The following EYA4 variants were observed in gnomAD, a reference collection of about 807,000 sequenced individuals.
The protein encoded by EYA4 is EYA transcriptional coactivator and phosphatase 4.
Under a neutral mutation model 87.9 loss-of-function variants are expected in EYA4, and 31 were observed. That is an observed-to-expected ratio of 0.35 (90% CI 0.27 to 0.48). EYA4 has a LOEUF of 0.48. Ranked by LOEUF, EYA4 falls within the 20% of genes least tolerant of loss-of-function variation. The pLI is 0.99. For missense variants in EYA4, 678 were observed against 761.4 expected, an observed-to-expected ratio of 0.89 and a Z score of 1.29; for synonymous variants, 263 against 270.6, an observed-to-expected ratio of 0.97 and a Z score of 0.28.
chr6:133,366,240 A>G (rs990821709), intron 2 of EYA4, among the ~76,000 whole-genome samples: 3 of 152,238 alleles, frequency 2.0e-5, no homozygotes, highest in Non-Finnish European at 2.9e-5. Flanking sequence ...GGCTTTACCT[A>G]AATGAAACAT....
chr6:133,399,053 C>T (rs1485876153), intron 3 of EYA4, among the ~76,000 whole-genome samples: 1 of 152,148 alleles, frequency 6.6e-6, no homozygotes, highest in Admixed American at 6.6e-5. Context: ...CTTTTCCTCT[C>T]TTATTTTGAC....
At chr6:133,384,737 A>G (rs1786548373) in intron 3 of EYA4, among the ~76,000 whole-genome samples, 1 of 152,106 alleles carries the variant, frequency 6.6e-6, no homozygotes, top group South Asian at 2.1e-4. Flanking sequence ...ATTCCCCAAT[A>G]TTAGGCCTGA....
At chr6:133,521,971 G>T (rs1304495962) in intron 17 of EYA4, among the ~76,000 whole-genome samples, 1 of 106,756 alleles carries the variant, frequency 9.4e-6, no homozygotes, top group East Asian at 3.3e-4. Context: ...GTTGTGGGGT[G>T]GGGGGAGGGG....
Position 133,243,089 on chromosome 6 carries a change from C to CGTGTGTGTGTGTGTGTGTGT in EYA4, c.-66+1351_-66+1370dup, listed in dbSNP as rs3065226. Among the ~76,000 whole-genome samples the CGTGTGTGTGTGTGTGTGTGT allele has an allele frequency of 2.0e-3, 284 of 145,460 alleles. 2 individuals carry two copies. Among genetic ancestry groups the CGTGTGTGTGTGTGTGTGTGT allele is most frequent in the Middle Eastern group, 0.014 (4 of 282 alleles). On this transcript the variant is annotated intron_variant, in intron 1 of 19. Coordinates refer to ENST00000355286, the MANE Select transcript of EYA4 (RefSeq NM_004100.5). Reference sequence around the variant, plus strand: ...AGAGCAGTTCCACGTGGAGCAACTTCGTGTGTGTGTGTGTGTGTGTGTGTG... The same window carrying CGTGTGTGTGTGTGTGTGTGT: ...AGAGCAGTTCCACGTGGAGCAACTTCGTGTGTGTGTGTGTGTGTGTGTGTGTGTGTGTGTGTGTGTGTGTG...
At chr6:133,501,859 G>A (rs568566888) in intron 13 of EYA4, among the ~76,000 whole-genome samples, 16 of 152,296 alleles carry the variant, frequency 1.1e-4, no homozygotes, top group African/African-American at 3.8e-4. Flanking sequence ...CCAATGCAGG[G>A]CAGAGGCCCG....
chr6:133,428,599 A>G (rs756490804), intron 3 of EYA4, among the ~76,000 whole-genome samples: 3 of 152,222 alleles, frequency 2.0e-5, no homozygotes, highest in Non-Finnish European at 2.9e-5. Flanking sequence ...TCAAGAAACC[A>G]GTTTCCTTTG....
At chr6:133,390,475 G>A (rs1249839223) in intron 3 of EYA4, among the ~76,000 whole-genome samples, 5 of 152,224 alleles carry the variant, frequency 3.3e-5, no homozygotes, top group Admixed American at 2.0e-4. Flanking sequence ...GCCCGCCTTG[G>A]CCTCCTAAAG....
chr6:133,328,464 C>T (rs1054455804), intron 2 of EYA4, among the ~76,000 whole-genome samples: 22 of 152,018 alleles, frequency 1.4e-4, no homozygotes, highest in African/African-American at 4.6e-4. Context: ...TCTTCTAACA[C>T]GTAGACTATG....
chr6:133,410,909 A>T (rs370320461), intron 3 of EYA4, among the ~76,000 whole-genome samples: 6 of 152,044 alleles, frequency 3.9e-5, no homozygotes, highest in African/African-American at 1.4e-4. Flanking sequence ...GCAGTACTGA[A>T]GTTGGAGCTT....
intron 2 of EYA4, among the ~76,000 whole-genome samples, chr6:133,322,004 C>G (rs1020644538): frequency 1.3e-5 from 2 of 152,168 alleles, no homozygotes; most frequent in East Asian, 1.9e-4. Context: ...AGTTACAGCC[C>G]TATGACTTTG....
chr6:133,324,527 A>G (rs935207310), intron 2 of EYA4, among the ~76,000 whole-genome samples: 6 of 152,190 alleles, frequency 3.9e-5, no homozygotes, highest in African/African-American at 7.2e-5. Flanking sequence ...TGTACAATAT[A>G]TAACTGCAAT....
intron 3 of EYA4, among the ~76,000 whole-genome samples, chr6:133,386,618 A>C (rs930999206): frequency 2.6e-5 from 4 of 152,188 alleles, no homozygotes. Context: ...ATAAAACTCA[A>C]AATAGGAAAT....
At chr6:133,338,414 C>T (rs1033771620) in intron 2 of EYA4, among the ~76,000 whole-genome samples, 2 of 152,060 alleles carry the variant, frequency 1.3e-5, no homozygotes, top group African/African-American at 2.4e-5. Context: ...TATAGTTCTT[C>T]AATGAGAGGT....
At chr6:133,336,885 A>G (rs1782404006) in intron 2 of EYA4, among the ~76,000 whole-genome samples, 1 of 152,168 alleles carries the variant, frequency 6.6e-6, no homozygotes, top group East Asian at 1.9e-4. Flanking sequence ...GAAAATTTTT[A>G]CAATAAAAAG....
intron 2 of EYA4, among the ~76,000 whole-genome samples, chr6:133,315,898 GA>G (rs1780584374): frequency 1.3e-5 from 2 of 152,204 alleles, no homozygotes; most frequent in South Asian, 4.1e-4. Flanking sequence ...GGGAACTTCA[GA>G]AAAGGGGGTG....
At chr6:133,328,634 C>A (rs143907013) in intron 2 of EYA4, among the ~76,000 whole-genome samples, 106 of 152,046 alleles carry the variant, frequency 7.0e-4, no homozygotes, top group African/African-American at 2.5e-3. Flanking sequence ...CTTCCACTGG[C>A]AAATATATTT....
intron 18 of EYA4, 199 bp from the exon 19 acceptor site, chr6:133,524,955 A>C: frequency 7.1e-7 from 1 of 1,404,792 alleles, no homozygotes; most frequent in Non-Finnish European, 1.0e-6. Context: ...TTAACACTTT[A>C]TGAATCTTTA....
intron 2 of EYA4, among the ~76,000 whole-genome samples, chr6:133,348,725 T>G (rs1299464838): frequency 1.3e-5 from 2 of 152,122 alleles, no homozygotes; most frequent in African/African-American, 4.8e-5. Context: ...GCTCTACCCT[T>G]AAAATATAAC....
At chr6:133,299,947 C>CTA (rs558838503) in intron 2 of EYA4, among the ~76,000 whole-genome samples, 4,180 of 140,068 alleles carry the variant, frequency 0.03, 105 homozygotes, top group African/African-American at 0.062. Context: ...ATCTATCTAT[C>CTA]TATCTATCTA....
Sources: allele counts gnomAD v4.1 joint callset (sites outside exome capture counted in the v4.1 genomes callset), GRCh38; gene constraint gnomAD v4.1.1; transcripts MANE v1.5; gene names NCBI Gene and HGNC (gene_info 2026-07-23, HGNC 2026-07-21).